The following ABCC1 variants were observed in gnomAD, a reference collection of about 807,000 sequenced individuals.
ABCC1 encodes multidrug resistance-associated protein 1.
ABCC1 carries 83 observed loss-of-function variants against 172.9 expected under a neutral mutation model. The observed-to-expected ratio is 0.48, with a 90% CI of 0.40 to 0.58. ABCC1 has a LOEUF of 0.58. Among genes scored for constraint, ABCC1 ranks in the 20% least tolerant of loss-of-function variants. ABCC1 has a pLI of 0.00. For missense variants in ABCC1, 1,817 were observed against 2,002.7 expected, an observed-to-expected ratio of 0.91 and a Z score of 1.77; for synonymous variants, 937 against 825.2, an observed-to-expected ratio of 1.14 and a Z score of -2.32.
chr16:15,991,157 G>A (rs1245608383), intron 1 of ABCC1, among the ~76,000 whole-genome samples: 2 of 152,000 alleles, frequency 1.3e-5, no homozygotes, highest in Admixed American at 6.6e-5. Context: ...CACTGCTGTC[G>A]TCTCTAGTTC....
intron 9 of ABCC1, among the ~76,000 whole-genome samples, chr16:16,047,007 T>C (rs561803179): frequency 1.3e-5 from 2 of 152,094 alleles, no homozygotes; most frequent in South Asian, 4.2e-4. Flanking sequence ...ACCAGCCTGG[T>C]CAATATAGCA....
intron 19 of ABCC1, among the ~76,000 whole-genome samples, chr16:16,099,750 C>T (rs2051641907): frequency 6.6e-6 from 1 of 152,122 alleles, no homozygotes; most frequent in Non-Finnish European, 1.5e-5. Context: ...TTGACAGGCC[C>T]ACCAAGGCTG....
chr16:15,999,812 C>G (rs1181445661), intron 1 of ABCC1, among the ~76,000 whole-genome samples: 1 of 25,528 alleles, frequency 3.9e-5, no homozygotes, highest in African/African-American at 1.7e-4. Context: ...TCTCTCTCCT[C>G]TCTCTCTCTC....
chr16:16,081,741 T>G (rs1438524770), intron 16 of ABCC1, among the ~76,000 whole-genome samples: 1 of 152,102 alleles, frequency 6.6e-6, no homozygotes, highest in East Asian at 1.9e-4. Flanking sequence ...ATCTTCTGGC[T>G]GGGCGCGGTG....
Position 16,102,641 on chromosome 16 carries a change from A to T in ABCC1, c.2659A>T (p.Ser887Cys), listed in dbSNP as rs567850671. 1.1e-5 allele frequency: 17 copies of T among 1,584,478 alleles called. No individual in the cohort carries two copies. The highest frequency in any genetic ancestry group is 1.5e-5 in the Non-Finnish European group (17 of 1,165,060). Reference sequence around the variant, plus strand: ...TCTTCTGCCAGGGGTCACGGGCGTCAGCGGTCCAGGGAAGGAAGCAAAGCA... The same window carrying T: ...TCTTCTGCCAGGGGTCACGGGCGTCTGCGGTCCAGGGAAGGAAGCAAAGCA... ...DAEENGVTGV[S>C]GPGKEAKQME... Residue 887 changes from serine to cysteine, a missense_variant, in exon 20 of 31, where the codon AGC becomes TGC. Around this residue, in one of 3 missense-constraint regions of ABCC1, gnomAD observed 1,412 missense variants for 1,600.3 expected, o/e 0.88. Transcript: ENST00000399410.
intron 12 of ABCC1, among the ~76,000 whole-genome samples, chr16:16,061,954 G>A (rs1473407553): frequency 6.6e-6 from 1 of 151,832 alleles, no homozygotes; most frequent in African/African-American, 2.4e-5. Flanking sequence ...CTGTAATTTT[G>A]CAGAGACAGG....
At chr16:16,112,809 T>A (rs2044680619) in intron 22 of ABCC1, among the ~76,000 whole-genome samples, 1 of 152,210 alleles carries the variant, frequency 6.6e-6, no homozygotes, top group African/African-American at 2.4e-5. Context: ...GCCAGGCACA[T>A]TGCCAGGTGG....
chr16:16,118,819 T>A (rs1247548254), intron 23 of ABCC1, among the ~76,000 whole-genome samples: 1 of 151,488 alleles, frequency 6.6e-6, no homozygotes, highest in East Asian at 1.9e-4. Context: ...GTTAATTTTT[T>A]AATGGCTTTT....
chr16:15,958,779 T>TG (rs1161660321), intron 1 of ABCC1, among the ~76,000 whole-genome samples: 1 of 152,138 alleles, frequency 6.6e-6, no homozygotes, highest in East Asian at 1.9e-4. Flanking sequence ...AGAGGCTGAA[T>TG]GGTTGAACGG....
chr16:15,989,524 T>C (rs147284316), intron 1 of ABCC1, among the ~76,000 whole-genome samples: 106 of 152,282 alleles, frequency 7.0e-4, no homozygotes, highest in African/African-American at 2.4e-3. Context: ...ACGGGCCTCT[T>C]GCACTCCTTT....
intron 5 of ABCC1, among the ~76,000 whole-genome samples, chr16:16,019,142 T>C (rs948742120): frequency 6.6e-6 from 1 of 152,156 alleles, no homozygotes; most frequent in Non-Finnish European, 1.5e-5. Context: ...CTTGCTCTTG[T>C]TGCCCAGGCT....
chr16:15,983,001 A>G (rs1567285775), intron 1 of ABCC1, among the ~76,000 whole-genome samples: 1 of 152,124 alleles, frequency 6.6e-6, no homozygotes. Flanking sequence ...CAAATGTCAT[A>G]TAATGTATAA....
At chr16:15,988,628 A>G (rs2046793631) in intron 1 of ABCC1, among the ~76,000 whole-genome samples, 1 of 152,194 alleles carries the variant, frequency 6.6e-6, no homozygotes, top group African/African-American at 2.4e-5. Flanking sequence ...TCAGCTTCAT[A>G]GGACGGGCCT....
intron 4 of ABCC1, among the ~76,000 whole-genome samples, chr16:16,015,131 CTT>C (rs10694441): frequency 1.0e-4 from 13 of 124,486 alleles, no homozygotes; most frequent in Admixed American, 1.7e-4. Flanking sequence ...GGAGTGTGCA[CTT>C]TTTTTTTTTT....
intron 21 of ABCC1, 56 bp downstream of exon 21, chr16:16,106,929 T>G: frequency 2.5e-6 from 4 of 1,607,416 alleles, no homozygotes; most frequent in Non-Finnish European, 3.4e-6. Context: ...GCGCCCACTG[T>G]GCACTGGGCA....
chr16:15,964,214 A>C (rs2046197352), intron 1 of ABCC1, among the ~76,000 whole-genome samples: 1 of 152,106 alleles, frequency 6.6e-6, no homozygotes, highest in African/African-American at 2.4e-5. Flanking sequence ...AAGTGCTGGG[A>C]TTACAGGCGT....
chr16:16,071,367 G>A (rs1382604611), intron 13 of ABCC1, among the ~76,000 whole-genome samples: 3 of 151,838 alleles, frequency 2.0e-5, no homozygotes, highest in African/African-American at 7.3e-5. Context: ...CAAAGTGCTG[G>A]GATTACAGGT....
intron 12 of ABCC1, among the ~76,000 whole-genome samples, chr16:16,067,676 T>A (rs1329520001): frequency 6.6e-6 from 1 of 152,092 alleles, no homozygotes; most frequent in Non-Finnish European, 1.5e-5. Flanking sequence ...GAAGTAACAA[T>A]GAAATGGCAG....
intron 4 of ABCC1, among the ~76,000 whole-genome samples, chr16:16,015,352 A>T (rs2047956689): frequency 6.6e-6 from 1 of 151,950 alleles, no homozygotes; most frequent in Non-Finnish European, 1.5e-5. Context: ...GTTGGCCAGG[A>T]TGGTGTCGAT....
Sources: gnomAD v4.1 joint callset for allele counts (sites outside exome capture counted in the v4.1 genomes callset) on GRCh38, gnomAD v4.1.1 for gene constraint, gnomAD v4.1.1 regional missense constraint, MANE v1.5 for transcripts, NCBI Gene and HGNC (gene_info 2026-07-23, HGNC 2026-07-21) for gene names.